EEFSEC: variants seen among roughly 807,000 people sequenced by gnomAD.
EEFSEC encodes the protein selenocysteine-specific elongation factor.
A neutral mutation model predicts 42.1 loss-of-function variants in EEFSEC; 43 were observed. The observed-to-expected ratio is 1.02, with a 90% CI of 0.80 to 1.32. The LOEUF (loss-of-function observed/expected upper bound fraction) is 1.32, where lower values mean the gene tolerates loss of function less well. EEFSEC is among the 40% of genes most tolerant of loss of function. The pLI is 0.00. For missense variants in EEFSEC, 745 were observed against 803.6 expected (o/e 0.93, Z 0.88); for synonymous variants, 354 against 339.1 (o/e 1.04, Z -0.48).
At chr3:128,210,468 G>T (rs2065744884) in intron 1 of EEFSEC, among the ~76,000 whole-genome samples, 1 of 152,212 alleles carries the variant, frequency 6.6e-6, no homozygotes, top group East Asian at 1.9e-4. Context: ...ATGACCCATG[G>T]CTTCACCCCT....
intron 6 of EEFSEC, among the ~76,000 whole-genome samples, chr3:128,374,109 A>AGGG (rs756500633): frequency 6.0e-4 from 91 of 152,298 alleles, no homozygotes; most frequent in Middle Eastern, 3.4e-3. Context: ...TTAGCTCTGG[A>AGGG]GGGTGCAGTT....
At chr3:128,203,697 A>C (rs940454911) in intron 1 of EEFSEC, among the ~76,000 whole-genome samples, 4 of 152,236 alleles carry the variant, frequency 2.6e-5, no homozygotes, top group Non-Finnish European at 5.9e-5. Flanking sequence ...ATGCAACATG[A>C]GGATATCTAC....
At chr3:128,314,379 C>T (rs2066923185) in intron 4 of EEFSEC, among the ~76,000 whole-genome samples, 1 of 151,996 alleles carries the variant, frequency 6.6e-6, no homozygotes, top group Admixed American at 6.6e-5. Flanking sequence ...AGTCTTACTC[C>T]ATCACCCAGG....
chr3:128,200,938 A>C (rs1331187836), intron 1 of EEFSEC, among the ~76,000 whole-genome samples: 5 of 152,132 alleles, frequency 3.3e-5, no homozygotes, highest in African/African-American at 1.2e-4. Flanking sequence ...AGAATGGGAC[A>C]GTTTGCTGTT....
intron 4 of EEFSEC, among the ~76,000 whole-genome samples, chr3:128,331,223 T>A (rs986837082): frequency 5.5e-5 from 1 of 18,198 alleles, no homozygotes; most frequent in Non-Finnish European, 1.0e-4. Flanking sequence ...TCCCCTCTTC[T>A]CCCCTTCCTC....
chr3:128,292,387 G>A (rs150923555), intron 4 of EEFSEC, among the ~76,000 whole-genome samples: 477 of 151,976 alleles, frequency 3.1e-3, no homozygotes, highest in African/African-American at 9.2e-3. Flanking sequence ...TATGTTTAAA[G>A]TTGGTATCAC....
intron 1 of EEFSEC, among the ~76,000 whole-genome samples, chr3:128,232,246 A>G (rs1388103730): frequency 6.6e-6 from 1 of 152,236 alleles, no homozygotes; most frequent in Non-Finnish European, 1.5e-5. Flanking sequence ...GAAATAGACA[A>G]TATTTCCTGA....
At chr3:128,230,097 G>A (rs570031575) in intron 1 of EEFSEC, among the ~76,000 whole-genome samples, 203 of 115,500 alleles carry the variant, frequency 1.8e-3, no homozygotes, top group African/African-American at 5.5e-3. Context: ...TCATTCTTTC[G>A]TTTTTTCATT....
Position 128,173,391 on chromosome 3 carries a change from C to A in EEFSEC, c.316+19568C>A, listed in dbSNP as rs72985513. On this transcript the variant is annotated intron_variant, in intron 1 of 6. Coordinates refer to ENST00000254730, the MANE Select transcript of EEFSEC (RefSeq NM_021937.5). ...TGTGGTAGTAATTTCCAGTCAGATT[C>A]TTGAATGCCTTGTATACTCTGGGTC... Among the ~76,000 whole-genome samples the A allele has an allele frequency of 8.3e-4, 127 of 152,288 alleles. 1 individual carries two copies. Among genetic ancestry groups the A allele is most frequent in the African/African-American group, 3.0e-3 (123 of 41,548 alleles).
At chr3:128,278,184 A>G (rs1197892762) in intron 4 of EEFSEC, among the ~76,000 whole-genome samples, 2 of 152,168 alleles carry the variant, frequency 1.3e-5, no homozygotes, top group Admixed American at 6.5e-5. Context: ...ATTTGAGGGG[A>G]GCCAGGACCT....
intron 6 of EEFSEC, among the ~76,000 whole-genome samples, chr3:128,383,217 AT>A (rs1200191652): frequency 5.0e-4 from 76 of 152,258 alleles, no homozygotes; most frequent in African/African-American, 1.8e-3. Flanking sequence ...TTTCTCCTGT[AT>A]TCATCTATTG....
chr3:128,294,165 G>A (rs1016814400), intron 4 of EEFSEC, among the ~76,000 whole-genome samples: 2 of 152,210 alleles, frequency 1.3e-5, no homozygotes, highest in South Asian at 4.1e-4. Context: ...GCCATTAGGG[G>A]TCCTCACTGG....
intron 1 of EEFSEC, among the ~76,000 whole-genome samples, chr3:128,171,813 A>C (rs2065299867): frequency 6.8e-6 from 1 of 148,142 alleles, no homozygotes; most frequent in Non-Finnish European, 1.5e-5. Context: ...GGATTCAACC[A>C]ATTGAAGATT....
In EEFSEC at chr3:128,358,243, C is replaced by T. The variant is rs1205717091; in HGVS notation, c.1470C>T (p.Gly490=). 1 of 1,614,140 alleles carries T rather than the reference C, an allele frequency of 6.2e-7. No homozygotes were observed. Among genetic ancestry groups the T allele is most frequent in the Admixed American group, 1.7e-5 (1 of 60,024 alleles). ...CGATGGATGACTACAGTGTGATCGG[C>T]CGCTCCCTGTTCAAAAAGGAAACCA... ...ERAMDDYSVI[G]RSLFKKETNI... is the part of the protein sequence containing the mutation. Residue 490 remains glycine (G), a synonymous_variant, in exon 6 of 7, where the codon GGC becomes GGT. Transcript: ENST00000254730.
intron 4 of EEFSEC, among the ~76,000 whole-genome samples, chr3:128,268,765 G>C (rs1559894595): frequency 6.6e-6 from 1 of 152,168 alleles, no homozygotes; most frequent in Non-Finnish European, 1.5e-5. Context: ...GAAGCCAGGA[G>C]AGAGGCATGG....
At chr3:128,353,652 G>C (rs1298250302) in intron 5 of EEFSEC, among the ~76,000 whole-genome samples, 1 of 152,242 alleles carries the variant, frequency 6.6e-6, no homozygotes, top group Non-Finnish European at 1.5e-5. Context: ...AAAGGATGGA[G>C]AAAGTCGTCT....
At chr3:128,191,427 A>T (rs184258579) in intron 1 of EEFSEC, among the ~76,000 whole-genome samples, 1 of 152,060 alleles carries the variant, frequency 6.6e-6, no homozygotes, top group African/African-American at 2.4e-5. Context: ...CTTAGACTTC[A>T]GCTCACTGTG....
intron 6 of EEFSEC, among the ~76,000 whole-genome samples, chr3:128,384,524 A>G (rs2067814670): frequency 1.3e-5 from 2 of 152,298 alleles, no homozygotes; most frequent in South Asian, 2.1e-4. Context: ...GGGCCTTACC[A>G]AAGCCCTGTA....
intron 1 of EEFSEC, among the ~76,000 whole-genome samples, chr3:128,163,316 A>G (rs995085322): frequency 1.3e-5 from 2 of 151,888 alleles, no homozygotes; most frequent in Non-Finnish European, 1.5e-5. Flanking sequence ...GTTGCACAGC[A>G]TGCATCCCTC....
Sources: allele counts gnomAD v4.1 joint callset (sites outside exome capture counted in the v4.1 genomes callset), GRCh38; gene constraint gnomAD v4.1.1; transcripts MANE v1.5; gene names NCBI Gene and HGNC (gene_info 2026-07-23, HGNC 2026-07-21).